The following TBC1D1 variants were observed in gnomAD, a reference collection of about 807,000 sequenced individuals.
TBC1D1 encodes the protein TBC1 (tre-2/USP6, BUB2, cdc16) domain family, member 1.
In TBC1D1, 89 loss-of-function variants were observed where a neutral mutation model predicts 125.6. That is an observed-to-expected ratio of 0.71 (90% CI 0.60 to 0.85). The LOEUF (loss-of-function observed/expected upper bound fraction) is 0.85, where lower values mean the gene tolerates loss of function less well. Among genes scored for constraint, TBC1D1 ranks in the 40% least tolerant of loss-of-function variants. TBC1D1 has a pLI of 0.00. For synonymous variants in TBC1D1, 565 were observed against 564.1 expected (o/e 1.00, Z -0.02); for missense variants, 1,377 against 1,469.2 (o/e 0.94, Z 1.03).
intron 8 of TBC1D1, among the ~76,000 whole-genome samples, chr4:38,037,286 T>TA (rs1050953954): frequency 2.0e-5 from 3 of 151,770 alleles, no homozygotes; most frequent in Admixed American, 2.0e-4. Flanking sequence ...GTTTTTTTTT[T>TA]ACCCAAAAAA....
chr4:37,937,591 G>A (rs1049385685), intron 2 of TBC1D1, among the ~76,000 whole-genome samples: 3 of 152,014 alleles, frequency 2.0e-5, no homozygotes, highest in Non-Finnish European at 2.9e-5. Context: ...AGGAAGTCCA[G>A]CCCTGTGCAG....
chr4:38,060,622 C>T, intron 12 of TBC1D1: 1 of 1,289,092 alleles, frequency 7.8e-7, no homozygotes, highest in African/African-American at 1.5e-5. Flanking sequence ...TTTTTCAGAA[C>T]CTCACTGTGG....
chr4:37,951,696 A>G (rs773316106), intron 2 of TBC1D1, among the ~76,000 whole-genome samples: 15 of 152,328 alleles, frequency 9.8e-5, no homozygotes, highest in Non-Finnish European at 1.9e-4. Context: ...GACTTTCGAT[A>G]TTTGAAAAGG....
At chr4:37,989,253 C>G (rs1028477697) in intron 2 of TBC1D1, among the ~76,000 whole-genome samples, 1 of 152,198 alleles carries the variant, frequency 6.6e-6, no homozygotes, top group Non-Finnish European at 1.5e-5. Context: ...ATGACCTTGT[C>G]TTAACCTACA....
rs775883170 is a variant in TBC1D1 at position 37,914,717 on chromosome 4, T to C, written c.417+12205T>C. On this transcript the variant is annotated intron_variant, in intron 2 of 19. Transcript: ENST00000261439. The stretch of plus-strand genomic sequence containing the variant: ...GCTGGGGCCTATCATGTAGACTTCA[T>C]CTCCCACACCCTTCCCGTTGCTCTC... Among the ~76,000 whole-genome samples, 18 of 152,170 alleles carry C rather than the reference T, an allele frequency of 1.2e-4. 1 individual carries two copies. The highest frequency in any genetic ancestry group is 2.9e-5 in the Non-Finnish European group (2 of 68,022).
intron 8 of TBC1D1, among the ~76,000 whole-genome samples, chr4:38,036,221 A>G (rs566331471): frequency 3.0e-4 from 46 of 152,174 alleles, no homozygotes; most frequent in African/African-American, 1.0e-3. Context: ...CCCCTCCTCC[A>G]CTGTCTACAG....
chr4:37,975,760 G>A lies in TBC1D1; in HGVS notation c.418-38749G>A, dbSNP rs565142371. On this transcript the variant is annotated intron_variant, in intron 2 of 19. Transcript: ENST00000261439. ...GCCTGGTTTTTCCTAGGTTATGATT[G>A]TAGAGCGAGGATTATTATAATATTG... 1.0e-3 allele frequency among the ~76,000 whole-genome samples: 157 copies of A among 152,206 alleles called. 2 individuals are homozygous for A. The highest frequency in any genetic ancestry group is 3.4e-3 in the Middle Eastern group (1 of 294).
At chr4:38,020,292 A>G (rs1560631822) in intron 4 of TBC1D1, among the ~76,000 whole-genome samples, 1 of 152,218 alleles carries the variant, frequency 6.6e-6, no homozygotes, top group East Asian at 1.9e-4. Context: ...TTCGAGACCA[A>G]CATGGTGAAA....
chr4:37,965,368 A>G (rs1358914574), intron 2 of TBC1D1, among the ~76,000 whole-genome samples: 1 of 152,198 alleles, frequency 6.6e-6, no homozygotes, highest in Non-Finnish European at 1.5e-5. Context: ...GGCAGATAGG[A>G]AGCACTCAAT....
chr4:37,911,967 T>A (rs1014838478), intron 2 of TBC1D1, among the ~76,000 whole-genome samples: 9 of 152,150 alleles, frequency 5.9e-5, no homozygotes, highest in Non-Finnish European at 1.0e-4. Context: ...CAGTAGAAAT[T>A]TGTAGAGAGA....
chr4:37,931,707 A>T (rs547619519), intron 2 of TBC1D1, among the ~76,000 whole-genome samples: 1 of 151,358 alleles, frequency 6.6e-6, no homozygotes, highest in East Asian at 2.0e-4. Context: ...TGAACTCTTG[A>T]CCTCGTGATC....
intron 2 of TBC1D1, among the ~76,000 whole-genome samples, chr4:37,983,877 T>G (rs1437546557): frequency 6.6e-6 from 1 of 152,224 alleles, no homozygotes; most frequent in Non-Finnish European, 1.5e-5. Flanking sequence ...GTAGTTTCAT[T>G]GCCCTACCAG....
chr4:38,004,628 C>T (rs370199985), intron 2 of TBC1D1, among the ~76,000 whole-genome samples: 6 of 151,888 alleles, frequency 4.0e-5, no homozygotes, highest in African/African-American at 9.7e-5. Flanking sequence ...AATATGCCCT[C>T]GATGATAAAA....
chr4:38,111,799 C>A (rs1279261268), intron 15 of TBC1D1: 2 of 308,644 alleles, frequency 6.5e-6, no homozygotes, highest in Non-Finnish European at 9.5e-6. Context: ...AAAACAGTGT[C>A]TCCCCCAATA....
At chr4:37,992,330 A>G (rs1736754611) in intron 2 of TBC1D1, among the ~76,000 whole-genome samples, 1 of 152,156 alleles carries the variant, frequency 6.6e-6, no homozygotes, top group Non-Finnish European at 1.5e-5. Context: ...GCTGAGGGAA[A>G]GAAGGAGTAA....
chr4:38,057,141 C>T (rs1751869033), intron 12 of TBC1D1, among the ~76,000 whole-genome samples: 1 of 152,150 alleles, frequency 6.6e-6, no homozygotes, highest in African/African-American at 2.4e-5. Context: ...AGGAAGATGT[C>T]TAGAGACCCC....
chr4:37,976,360 A>C (rs1733081401), intron 2 of TBC1D1, among the ~76,000 whole-genome samples: 1 of 152,202 alleles, frequency 6.6e-6, no homozygotes, highest in African/African-American at 2.4e-5. Flanking sequence ...TCCAGCTAAG[A>C]TGCTCCTGGA....
In TBC1D1 at chr4:37,925,133, C is replaced by T. The variant is rs187783868; in HGVS notation, c.417+22621C>T. On this transcript the variant is annotated intron_variant, in intron 2 of 19. Transcript: ENST00000261439. The stretch of plus-strand genomic sequence containing the variant: ...TGCAGCATACACTGTCTGCCAGGCC[C>T]TGGGCTCCATGCCGAGGCACACAGT... Among the ~76,000 whole-genome samples, 9 of 152,316 alleles carry T rather than the reference C, an allele frequency of 5.9e-5. No individual in the cohort carries two copies. The East Asian group carries it at 1.7e-3, about 29-fold the overall frequency.
intron 2 of TBC1D1, among the ~76,000 whole-genome samples, chr4:37,912,198 A>G (rs1402036877): frequency 3.3e-5 from 5 of 152,214 alleles, no homozygotes; most frequent in Admixed American, 3.3e-4. Context: ...TGTTCCCTGT[A>G]ATATCTAGCT....
Sources: gnomAD v4.1 joint callset for allele counts (sites outside exome capture counted in the v4.1 genomes callset) on GRCh38, gnomAD v4.1.1 for gene constraint, MANE v1.5 for transcripts, NCBI Gene and HGNC (gene_info 2026-07-23, HGNC 2026-07-21) for gene names.